The following MGMT variants were observed in gnomAD, a reference collection of about 807,000 sequenced individuals.
The protein encoded by MGMT is methylated-DNA--protein-cysteine methyltransferase.
A neutral mutation model predicts 15.9 loss-of-function variants in MGMT; 14 were observed. That is an observed-to-expected ratio of 0.88 (90% CI 0.58 to 1.37). MGMT has a LOEUF of 1.37. Among genes scored for constraint, MGMT ranks in the 40% most tolerant of loss-of-function variants. The pLI is 0.00. For missense variants in MGMT, 282 were observed against 268.1 expected (o/e 1.05, Z -0.36); for synonymous variants, 130 against 118.2 (o/e 1.10, Z -0.65).
intron 4 of MGMT, among the ~76,000 whole-genome samples, chr10:129,765,647 C>T (rs975966116): frequency 1.3e-5 from 2 of 152,222 alleles, no homozygotes; most frequent in Non-Finnish European, 2.9e-5. Context: ...TCCCCTCTGG[C>T]TAAGCTCTGG....
chr10:129,532,318 G>C lies in MGMT; in HGVS notation c.-12-3923G>C, dbSNP rs920133249. On this transcript the variant is annotated intron_variant, in intron 1 of 4. Coordinates refer to ENST00000651593, the MANE Select transcript of MGMT (RefSeq NM_002412.5). This position sits in a 1 kb window ranked among gnomAD's most constrained non-coding sequence, Gnocchi z 5.3. ...GTGGCGGTGCTCTCTGGGGTGCAGAGTTGGTCATTCCAGGGCAGGCAGTTC... is the reference window on the plus strand; with the variant it reads ...GTGGCGGTGCTCTCTGGGGTGCAGACTTGGTCATTCCAGGGCAGGCAGTTC... Among the ~76,000 whole-genome samples the C allele has an allele frequency of 1.3e-5, 2 of 152,214 alleles. No homozygotes were observed. Among genetic ancestry groups the C allele is most frequent in the African/African-American group, 2.4e-5 (1 of 41,458 alleles).
At chr10:129,582,173 C>T (rs1846564212) in intron 2 of MGMT, among the ~76,000 whole-genome samples, 1 of 152,226 alleles carries the variant, frequency 6.6e-6, no homozygotes, top group South Asian at 2.1e-4. Context: ...TGGGAAGCAG[C>T]CTCCCTTAGC....
intron 3 of MGMT, among the ~76,000 whole-genome samples, chr10:129,736,586 G>C (rs1198801883): frequency 6.6e-6 from 1 of 151,610 alleles, no homozygotes; most frequent in Non-Finnish European, 1.5e-5. Context: ...TGTTATGTGT[G>C]AATTTGATCC....
At chr10:129,602,257 ATGT>A (rs1376573579) in intron 2 of MGMT, among the ~76,000 whole-genome samples, 1 of 152,042 alleles carries the variant, frequency 6.6e-6, no homozygotes, top group African/African-American at 2.4e-5. Flanking sequence ...TTTCAAGAAA[ATGT>A]TGTGAGTGTC....
At chr10:129,507,707 C>A (rs1423792765) in intron 1 of MGMT, among the ~76,000 whole-genome samples, 1 of 152,204 alleles carries the variant, frequency 6.6e-6, no homozygotes, top group Non-Finnish European at 1.5e-5. Context: ...CAAATGGATT[C>A]TGTGCAACTT....
chr10:129,705,759 T>C (rs1355947252), intron 2 of MGMT, among the ~76,000 whole-genome samples: 2 of 152,198 alleles, frequency 1.3e-5, no homozygotes, highest in Non-Finnish European at 2.9e-5. Context: ...GCTGTGGTCC[T>C]CCTGGACACC....
intron 3 of MGMT, among the ~76,000 whole-genome samples, chr10:129,731,886 C>G (rs902844540): frequency 6.6e-6 from 1 of 152,176 alleles, no homozygotes; most frequent in Non-Finnish European, 1.5e-5. Context: ...GTTCTCAGAT[C>G]TGCCTCTGCG....
intron 2 of MGMT, among the ~76,000 whole-genome samples, chr10:129,627,961 T>G (rs939402706): frequency 2.6e-5 from 4 of 152,236 alleles, no homozygotes; most frequent in Non-Finnish European, 4.4e-5. Flanking sequence ...TTCCAAGTTA[T>G]TAACCAGAGG....
intron 2 of MGMT, among the ~76,000 whole-genome samples, chr10:129,680,820 A>G (rs1847843624): frequency 6.6e-6 from 1 of 151,534 alleles, no homozygotes; most frequent in Non-Finnish European, 1.5e-5. Context: ...CGCCATCGCC[A>G]CTCCGTGAGG....
At chr10:129,685,891 T>A (rs1847899430) in intron 2 of MGMT, among the ~76,000 whole-genome samples, 1 of 152,246 alleles carries the variant, frequency 6.6e-6, no homozygotes, top group African/African-American at 2.4e-5. Context: ...CTATTTATAT[T>A]CTTATTTATG....
intron 2 of MGMT, among the ~76,000 whole-genome samples, chr10:129,621,754 T>C (rs1346059996): frequency 6.6e-6 from 1 of 152,224 alleles, no homozygotes; most frequent in Non-Finnish European, 1.5e-5. Flanking sequence ...CCTTGCCACC[T>C]TTCCTATCGA....
intron 2 of MGMT, among the ~76,000 whole-genome samples, chr10:129,633,925 G>C (rs1046089007): frequency 6.6e-6 from 1 of 152,166 alleles, no homozygotes; most frequent in Non-Finnish European, 1.5e-5. Flanking sequence ...TAATGCAGCC[G>C]TGTTCCAATA....
chr10:129,752,827 A>T (rs1193457077), intron 3 of MGMT, among the ~76,000 whole-genome samples: 2 of 152,138 alleles, frequency 1.3e-5, no homozygotes, highest in Non-Finnish European at 2.9e-5. Context: ...TTGGCTAATA[A>T]ACATATCTTG....
At chr10:129,744,958 C>G (rs891934870) in intron 3 of MGMT, among the ~76,000 whole-genome samples, 16 of 152,174 alleles carry the variant, frequency 1.1e-4, no homozygotes, top group Admixed American at 5.9e-4. Context: ...TATGTCTACT[C>G]TAGGTCATCC....
intron 2 of MGMT, among the ~76,000 whole-genome samples, chr10:129,685,823 A>G (rs1023761716): frequency 1.3e-5 from 2 of 152,226 alleles, no homozygotes; most frequent in Non-Finnish European, 2.9e-5. Context: ...TTGCTGATGA[A>G]TAGTCTGCAT....
intron 2 of MGMT, among the ~76,000 whole-genome samples, chr10:129,561,372 C>G (rs1333411676): frequency 6.6e-6 from 1 of 152,134 alleles, no homozygotes; most frequent in East Asian, 1.9e-4. Flanking sequence ...CACACCCCAG[C>G]AGGGCCCATT....
chr10:129,602,752 T>G (rs1846839456), intron 2 of MGMT, among the ~76,000 whole-genome samples: 1 of 151,924 alleles, frequency 6.6e-6, no homozygotes, highest in South Asian at 2.1e-4. Context: ...CCCTCCTTCC[T>G]TTCCAGCTCA....
chr10:129,538,602 T>C (rs983326072), intron 2 of MGMT, among the ~76,000 whole-genome samples: 4 of 152,220 alleles, frequency 2.6e-5, no homozygotes, highest in African/African-American at 9.6e-5. Context: ...CTATGTTTTC[T>C]TTGTGAAATA....
In MGMT at chr10:129,626,639, T is replaced by C. The variant is rs575268178; in HGVS notation, c.126-81256T>C. Among the ~76,000 whole-genome samples, 14 of 152,306 alleles carry C rather than the reference T, an allele frequency of 9.2e-5. No individual in the cohort carries two copies. The East Asian group carries it at 2.5e-3, about 27-fold the overall frequency. ...TGGCTGTTCTGCATGCCCAGGGCCGTGCTCTCCGTGGAAATCTATGTTGGA... is the reference window on the plus strand; with the variant it reads ...TGGCTGTTCTGCATGCCCAGGGCCGCGCTCTCCGTGGAAATCTATGTTGGA... On this transcript the variant is annotated intron_variant, in intron 2 of 4. Transcript: ENST00000651593.
Sources: allele counts gnomAD v4.1 joint callset (sites outside exome capture counted in the v4.1 genomes callset), GRCh38; gene constraint gnomAD v4.1.1; non-coding constraint Gnocchi (gnomAD v3.1); transcripts MANE v1.5; gene names NCBI Gene and HGNC (gene_info 2026-07-23, HGNC 2026-07-21).